The following LRP1B variants were observed in gnomAD, a reference collection of about 807,000 sequenced individuals.
LRP1B encodes LDL receptor related protein 1B.
LRP1B carries 217 observed loss-of-function variants against 556.6 expected under a neutral mutation model. The ratio of observed to expected loss-of-function variants is 0.39; its 90% CI spans 0.35 to 0.44. The LOEUF (loss-of-function observed/expected upper bound fraction) is 0.44, where lower values mean the gene tolerates loss of function less well. LRP1B is among the 20% of genes least tolerant of loss of function. The pLI is 1.00. For missense variants in LRP1B, 5,053 were observed against 5,620.8 expected (o/e 0.90, Z 3.23); for synonymous variants, 2,047 against 1,865.8 (o/e 1.10, Z -2.50).
At chr2:142,013,841 G>C (rs982157099) in intron 1 of LRP1B, among the ~76,000 whole-genome samples, 2 of 152,036 alleles carry the variant, frequency 1.3e-5, no homozygotes, top group African/African-American at 2.4e-5. Flanking sequence ...ATGAGCCTGG[G>C]ACTTGCTGGG....
At chr2:140,812,614 A>T (rs2105033458) in intron 32 of LRP1B, among the ~76,000 whole-genome samples, 1 of 152,104 alleles carries the variant, frequency 6.6e-6, no homozygotes, top group South Asian at 2.1e-4. Context: ...AACATCAAAA[A>T]AAAACCTCAC....
chr2:140,425,319 T>C (rs112665101), intron 66 of LRP1B, among the ~76,000 whole-genome samples: 2,169 of 152,302 alleles, frequency 0.014, 54 homozygotes, highest in African/African-American at 0.05. Context: ...CAATCTATAA[T>C]AGATCAAGGA....
At chr2:140,490,970 A>C (rs1381696396) in intron 57 of LRP1B, among the ~76,000 whole-genome samples, 1 of 152,170 alleles carries the variant, frequency 6.6e-6, no homozygotes, top group Non-Finnish European at 1.5e-5. Context: ...ACAGTCTAAA[A>C]TGATACCACC....
chr2:140,882,322 G>T (rs551682736), intron 25 of LRP1B, among the ~76,000 whole-genome samples: 107 of 152,156 alleles, frequency 7.0e-4, no homozygotes, highest in Non-Finnish European at 7.4e-5. Flanking sequence ...AAAAATAAAG[G>T]TAAGTCTTAT....
chr2:140,370,675 T>C lies in LRP1B; in HGVS notation c.11008+35A>G, dbSNP rs2105164511. On this transcript the variant is annotated intron_variant, in intron 71 of 90. Coordinates refer to ENST00000389484, the MANE Select transcript of LRP1B (RefSeq NM_018557.3). ...GCACAGAACCTTAACTTTCATTCTC[T>C]CATTTACAGGCACACACACACAAAA... 3.7e-6 allele frequency: 6 copies of C among 1,608,376 alleles called. No individual in the cohort carries two copies. The East Asian group carries it at 1.1e-4, about 30-fold the overall frequency.
intron 41 of LRP1B, among the ~76,000 whole-genome samples, chr2:140,677,147 G>A (rs1020489101): frequency 1.3e-5 from 2 of 152,156 alleles, no homozygotes; most frequent in Non-Finnish European, 2.9e-5. Flanking sequence ...AGGATTGCAA[G>A]GAGAAATAAA....
intron 21 of LRP1B, among the ~76,000 whole-genome samples, chr2:140,915,653 A>AAAATAAATAAATAAATAAATAAATAAAT (rs70991117): frequency 6.9e-6 from 1 of 145,014 alleles, no homozygotes; most frequent in African/African-American, 2.6e-5. Context: ...CTTTGTCTCA[A>AAAATAAATAAATAAATAAATAAATAAAT]AAATAAATAA....
chr2:140,427,348 G>A (rs963170106), intron 66 of LRP1B, among the ~76,000 whole-genome samples: 4 of 151,930 alleles, frequency 2.6e-5, no homozygotes, highest in African/African-American at 7.3e-5. Flanking sequence ...CCCCTTCTCC[G>A]TGTCTTTACC....
At chr2:141,111,928 C>A (rs1209169612) in intron 7 of LRP1B, among the ~76,000 whole-genome samples, 3 of 151,984 alleles carry the variant, frequency 2.0e-5, no homozygotes, top group Non-Finnish European at 2.9e-5. Context: ...CACCTGTAGT[C>A]CCAGCTGCTG....
intron 1 of LRP1B, among the ~76,000 whole-genome samples, chr2:142,043,572 A>C (rs34725547): frequency 0.071 from 10,785 of 151,606 alleles, 461 homozygotes; most frequent in Non-Finnish European, 0.093. Flanking sequence ...AGTGGGAGGG[A>C]AAGTATATAT....
At chr2:141,349,888 G>A (rs1198428191) in intron 3 of LRP1B, among the ~76,000 whole-genome samples, 1 of 152,046 alleles carries the variant, frequency 6.6e-6, no homozygotes, top group Non-Finnish European at 1.5e-5. Flanking sequence ...GTATTAGTCT[G>A]TTCTCATGCT....
chr2:141,698,123 T>C (rs1691796670), intron 2 of LRP1B, among the ~76,000 whole-genome samples: 1 of 151,850 alleles, frequency 6.6e-6, no homozygotes, highest in African/African-American at 2.4e-5. Flanking sequence ...TACTTTGTGC[T>C]TACATTCCCA....
At chr2:141,583,496 C>T (rs1000052495) in intron 2 of LRP1B, among the ~76,000 whole-genome samples, 4 of 151,988 alleles carry the variant, frequency 2.6e-5, no homozygotes, top group Non-Finnish European at 4.4e-5. Context: ...AGGACCAACC[C>T]TCCAAAAATC....
chr2:140,969,926 C>A (rs1205833196), intron 18 of LRP1B, among the ~76,000 whole-genome samples: 5 of 152,180 alleles, frequency 3.3e-5, no homozygotes, highest in Non-Finnish European at 7.3e-5. Context: ...GTGGGTAAAA[C>A]CCGACCTTTC....
At chr2:141,405,638 AT>A (rs1298965166) in intron 3 of LRP1B, among the ~76,000 whole-genome samples, 3 of 152,088 alleles carry the variant, frequency 2.0e-5, no homozygotes, top group Admixed American at 2.0e-4. Flanking sequence ...AGAGATACTT[AT>A]TTTAAAAAAT....
At chr2:140,927,422 C>T (rs747689836) in intron 20 of LRP1B, among the ~76,000 whole-genome samples, 20 of 152,138 alleles carry the variant, frequency 1.3e-4, no homozygotes, top group Non-Finnish European at 2.9e-4. Context: ...CATAATTAAA[C>T]TTTGGAGTCT....
At chr2:140,966,764 T>A (rs1455347495) in intron 18 of LRP1B, among the ~76,000 whole-genome samples, 1 of 152,222 alleles carries the variant, frequency 6.6e-6, no homozygotes, top group African/African-American at 2.4e-5. Context: ...CACATATGGC[T>A]AGCCAATTTT....
In LRP1B at chr2:140,598,647, T is replaced by C. The variant is rs759065880; in HGVS notation, c.7178A>G (p.Asp2393Gly). The C allele has an allele frequency of 6.2e-7, 1 of 1,613,170 alleles. No homozygotes were observed. The highest frequency in any genetic ancestry group is 8.5e-7 in the Non-Finnish European group (1 of 1,179,308). The part of the protein sequence containing the change: ...SLGKIERCEY[D>G]GSQRHVIVKS... ...TTAACTTACATGTCTCTGGGATCCA[T>C]CGTATTCACACCTTTCAATTTTTCC... Residue 2393 changes from aspartate (D) to glycine (G), a missense_variant, in exon 43 of 91, where the codon GAT becomes GGT. Around this residue, in one of 5 missense-constraint regions of LRP1B, gnomAD observed 3,619 missense variants for 3,931.9 expected, o/e 0.92. Coordinates refer to ENST00000389484, the MANE Select transcript of LRP1B (RefSeq NM_018557.3).
At position 140,713,015 on chromosome 2, in the gene LRP1B, ACTT is replaced by A. The variant is rs200311636; in HGVS notation, c.6023+2955_6023+2957del. ...AAGCATTCTTCATTTTTGTTATTAG[ACTT>A]CTTTTTTTGGCACTCTTTCTTGGGT... is the stretch of plus-strand genomic sequence containing the variant. On this transcript the variant is annotated intron_variant, in intron 37 of 90. Transcript: ENST00000389484. Among the ~76,000 whole-genome samples the A allele has an allele frequency of 1.8e-3, 271 of 151,658 alleles. 2 individuals carry two copies. The highest frequency in any genetic ancestry group is 6.3e-3 in the African/African-American group (262 of 41,356).
Sources: allele counts gnomAD v4.1 joint callset (sites outside exome capture counted in the v4.1 genomes callset), GRCh38; gene constraint gnomAD v4.1.1; regional missense constraint gnomAD v4.1.1; transcripts MANE v1.5; gene names NCBI Gene and HGNC (gene_info 2026-07-23, HGNC 2026-07-21).